Variants in RABGAP1 observed in about 807,000 individuals in gnomAD.
RABGAP1 encodes rab GTPase-activating protein 1.
Under a neutral mutation model 137.6 loss-of-function variants are expected in RABGAP1, and 23 were observed. The observed-to-expected ratio is 0.17, with a 90% CI of 0.12 to 0.24. RABGAP1 has a LOEUF of 0.24. RABGAP1 is among the 10% of genes least tolerant of loss of function. RABGAP1 has a pLI of 1.00. For missense variants in RABGAP1, 906 were observed against 1,275.8 expected, an observed-to-expected ratio of 0.71 and a Z score of 4.42; for synonymous variants, 451 against 450.7, an observed-to-expected ratio of 1.00 and a Z score of -0.01.
intron 18 of RABGAP1, 106 bp downstream of exon 18, chr9:123,076,392 C>A: frequency 7.7e-7 from 1 of 1,298,850 alleles, no homozygotes; most frequent in South Asian, 1.3e-5. Flanking sequence ...TAGCATTACC[C>A]ATGACAGTGG....
intron 13 of RABGAP1, among the ~76,000 whole-genome samples, chr9:123,057,457 C>A (rs1208305884): frequency 8.6e-5 from 13 of 150,624 alleles, no homozygotes; most frequent in Non-Finnish European, 1.6e-4. Context: ...AGACGATGGG[C>A]GGCCGGGCAG....
At chr9:123,032,266 G>A (rs1017772877) in intron 13 of RABGAP1, among the ~76,000 whole-genome samples, 3 of 152,200 alleles carry the variant, frequency 2.0e-5, no homozygotes, top group African/African-American at 7.2e-5. Context: ...TGTGAAGTAA[G>A]GAGTGTTGTT....
intron 2 of RABGAP1, among the ~76,000 whole-genome samples, chr9:122,977,737 C>G (rs1835838541): frequency 6.6e-6 from 1 of 151,968 alleles, no homozygotes; most frequent in Non-Finnish European, 1.5e-5. Context: ...GGAAGAGGAT[C>G]AGTGGCTTAA....
intron 13 of RABGAP1, among the ~76,000 whole-genome samples, chr9:123,038,116 T>C (rs2032763434): frequency 6.6e-6 from 1 of 152,194 alleles, no homozygotes; most frequent in Non-Finnish European, 1.5e-5. Context: ...AAGTGGTTTT[T>C]TCCCCCTTCT....
chr9:122,996,334 C>A, intron 7 of RABGAP1, 183 bp downstream of exon 7: 1 of 1,208,066 alleles, frequency 8.3e-7, no homozygotes, highest in Non-Finnish European at 1.1e-6. Context: ...TCAGCTAATA[C>A]GCTCTCTTCA....
chr9:122,961,354 A>C (rs529949693), intron 2 of RABGAP1, among the ~76,000 whole-genome samples: 1 of 152,210 alleles, frequency 6.6e-6, no homozygotes, highest in Non-Finnish European at 1.5e-5. Flanking sequence ...TGGAGGCAAG[A>C]AGCCAGTGGG....
chr9:123,006,840 C>T (rs1015844935), intron 10 of RABGAP1, among the ~76,000 whole-genome samples: 1 of 152,090 alleles, frequency 6.6e-6, no homozygotes, highest in African/African-American at 2.4e-5. Flanking sequence ...AACTCCTGAC[C>T]TCAGGTGATC....
chr9:123,035,204 A>G (rs2032560508), intron 13 of RABGAP1: 1 of 1,614,030 alleles, frequency 6.2e-7, no homozygotes, highest in Non-Finnish European at 8.5e-7. Context: ...ACCTATTTCA[A>G]CATCTTCCGC....
chr9:123,034,712 T>C lies in RABGAP1; in HGVS notation c.1794+14253T>C, dbSNP rs943444866. On this transcript the variant is annotated intron_variant, in intron 13 of 25. Transcript: ENST00000373647. ...TTGATTATTTCTGGCAACATCATTG[T>C]GATTTTTGTATTTCACTGTGCACCT... is the stretch of plus-strand genomic sequence containing the variant. 2 of 1,613,812 alleles carry C rather than the reference T, an allele frequency of 1.2e-6. No individual in the cohort carries two copies. The highest frequency in any genetic ancestry group is 8.5e-7 in the Non-Finnish European group (1 of 1,179,662).
chr9:123,046,764 G>A lies in RABGAP1; in HGVS notation c.1795-18584G>A, dbSNP rs75534382. Among the ~76,000 whole-genome samples the A allele has an allele frequency of 1.1e-3, 169 of 152,328 alleles. 1 individual carries two copies. In the East Asian group the frequency reaches 0.024, roughly 22 times the overall value. On this transcript the variant is annotated intron_variant, in intron 13 of 25. Transcript: ENST00000373647. ...AGAATAAATTCAGAAAGATAAACTA[G>A]TGATAGCTGGTCTGGAATACATGGC...
chr9:123,081,137 T>TAATATTTTCTC (rs2034693758), intron 19 of RABGAP1, among the ~76,000 whole-genome samples: 1 of 152,236 alleles, frequency 6.6e-6, no homozygotes, highest in African/African-American at 2.4e-5. Flanking sequence ...ACGATTTTCT[T>TAATATTTTCTC]AATATTTTCT....
intron 6 of RABGAP1, among the ~76,000 whole-genome samples, chr9:122,995,599 C>G (rs937755412): frequency 8.3e-6 from 1 of 120,612 alleles, no homozygotes; most frequent in African/African-American, 3.3e-5. Context: ...GATGTAGTCT[C>G]GCTCTGTCAC....
At chr9:123,012,734 T>TAA (rs1381636976) in intron 11 of RABGAP1, among the ~76,000 whole-genome samples, 3 of 152,224 alleles carry the variant, frequency 2.0e-5, no homozygotes, top group Non-Finnish European at 2.9e-5. Context: ...CAACATCTGA[T>TAA]ATGTAGTTGG....
At chr9:122,987,058 G>A (rs1836409488) in intron 4 of RABGAP1, among the ~76,000 whole-genome samples, 1 of 152,074 alleles carries the variant, frequency 6.6e-6, no homozygotes, top group Admixed American at 6.5e-5. Flanking sequence ...GATCACCTGA[G>A]CCTGGGAGTT....
chr9:123,078,554 T>C (rs1226089541), intron 19 of RABGAP1, among the ~76,000 whole-genome samples: 4 of 152,344 alleles, frequency 2.6e-5, no homozygotes, highest in African/African-American at 7.2e-5. Flanking sequence ...AAAATAGGTT[T>C]GCACAAAGCA....
chr9:123,042,661 G>C (rs2033008057), intron 13 of RABGAP1, among the ~76,000 whole-genome samples: 1 of 152,136 alleles, frequency 6.6e-6, no homozygotes, highest in Admixed American at 6.5e-5. Flanking sequence ...CAGAGAGACA[G>C]AAAATAGATG....
intron 2 of RABGAP1, among the ~76,000 whole-genome samples, chr9:122,982,908 C>CA (rs1836154689): frequency 6.6e-6 from 1 of 152,034 alleles, no homozygotes; most frequent in African/African-American, 2.4e-5. Flanking sequence ...TTTGCTCTAT[C>CA]ACCCAGGCTG....
intron 1 of RABGAP1, among the ~76,000 whole-genome samples, chr9:122,956,366 G>A (rs558253194): frequency 1.3e-5 from 2 of 151,634 alleles, no homozygotes; most frequent in East Asian, 3.9e-4. Context: ...CAATAACTAA[G>A]TGCTTTCCAT....
intron 24 of RABGAP1, among the ~76,000 whole-genome samples, chr9:123,101,351 GA>G (rs2035338866): frequency 6.6e-6 from 1 of 152,124 alleles, no homozygotes; most frequent in Non-Finnish European, 1.5e-5. Context: ...TGAGATTACT[GA>G]ATCAAGACAA....
Sources: gnomAD v4.1 joint callset for allele counts (sites outside exome capture counted in the v4.1 genomes callset) on GRCh38, gnomAD v4.1.1 for gene constraint, MANE v1.5 for transcripts, NCBI Gene and HGNC (gene_info 2026-07-23, HGNC 2026-07-21) for gene names.